Variants in RBFOX3 observed in about 807,000 individuals in gnomAD.
The protein encoded by RBFOX3 is RNA binding protein fox-1 homolog 3.
A neutral mutation model predicts 48.7 loss-of-function variants in RBFOX3; 17 were observed. That is an observed-to-expected ratio of 0.35 (90% CI 0.24 to 0.52). The LOEUF is 0.52. Among genes scored for constraint, RBFOX3 ranks in the 20% least tolerant of loss-of-function variants. The pLI, the probability that RBFOX3 is intolerant of heterozygous loss-of-function variation, is 0.94. For missense variants in RBFOX3, 382 were observed against 497.5 expected (o/e 0.77, Z 2.21); for synonymous variants, 212 against 209.5 (o/e 1.01, Z -0.10).
intron 1 of RBFOX3, among the ~76,000 whole-genome samples, chr17:79,497,438 A>G (rs1160261756): frequency 6.6e-6 from 1 of 152,174 alleles, no homozygotes; most frequent in Non-Finnish European, 1.5e-5. Flanking sequence ...AGCCCAAGCA[A>G]TACGTTTGGG....
chr17:79,118,157 C>G (rs113739314), intron 4 of RBFOX3, among the ~76,000 whole-genome samples: 1 of 150,644 alleles, frequency 6.6e-6, no homozygotes, highest in Non-Finnish European at 1.5e-5. Flanking sequence ...CGCCACCCTG[C>G]GACAGACTCG....
chr17:79,142,181 G>A (rs1209341747), intron 4 of RBFOX3, among the ~76,000 whole-genome samples: 1 of 152,168 alleles, frequency 6.6e-6, no homozygotes, highest in Non-Finnish European at 1.5e-5. Flanking sequence ...TTACCACCGT[G>A]ACACTTTCAT....
the RBFOX3 span, among the ~76,000 whole-genome samples, chr17:79,629,509 C>T: frequency 3.3e-5 from 5 of 152,132 alleles, no homozygotes; most frequent in East Asian, 1.9e-4. Context: ...TCAGGGGGTG[C>T]GGGGAAATGA....
intron 2 of RBFOX3, among the ~76,000 whole-genome samples, chr17:79,403,239 C>G (rs1239484497): frequency 6.6e-6 from 1 of 152,194 alleles, no homozygotes; most frequent in Non-Finnish European, 1.5e-5. Flanking sequence ...TGGCTGAGAG[C>G]CTGCTGGTCG....
chr17:79,444,300 C>T (rs1352554580), intron 2 of RBFOX3, among the ~76,000 whole-genome samples: 1 of 152,126 alleles, frequency 6.6e-6, no homozygotes, highest in African/African-American at 2.4e-5. Flanking sequence ...GCCAGCAAGA[C>T]CCACCCCTCT....
intron 1 of RBFOX3, among the ~76,000 whole-genome samples, chr17:79,504,859 G>A (rs1381225426): frequency 4.6e-5 from 7 of 152,290 alleles, no homozygotes; most frequent in Admixed American, 4.6e-4. Flanking sequence ...CCACAGATAT[G>A]CACTAAAAAC....
intron 4 of RBFOX3, among the ~76,000 whole-genome samples, chr17:79,202,252 C>T (rs762083448): frequency 5.3e-5 from 8 of 152,132 alleles, no homozygotes; most frequent in Non-Finnish European, 1.0e-4. Flanking sequence ...CTCTTATCCA[C>T]AGCAAAACGG....
chr17:79,648,358 C>T, the RBFOX3 span, among the ~76,000 whole-genome samples: 1 of 152,166 alleles, frequency 6.6e-6, no homozygotes, highest in Non-Finnish European at 1.5e-5. Context: ...GCACGTCCTC[C>T]CCAGAGGCAG....
Position 79,103,335 on chromosome 17 carries a change from G to T in RBFOX3, c.415-81C>A. 1 of 936,764 alleles carries T rather than the reference G, an allele frequency of 1.1e-6. No homozygotes were observed. The highest frequency in any genetic ancestry group is 1.7e-6 in the Non-Finnish European group (1 of 593,282). The allele number at this position is 936,764 out of a possible 1,614,324, so 58.0% of individuals were successfully genotyped here. ...AGAGGAGGAAGACGAGGAAGAAGAG[G>T]AGTGGGAGGGGGGCAGGGGAGTGGG... On this transcript the variant is annotated intron_variant, in intron 7 of 14. Coordinates refer to ENST00000693108, the MANE Select transcript of RBFOX3 (RefSeq NM_001350451.2). The surrounding 1 kb of genome is among the most constrained non-coding windows in gnomAD (Gnocchi z 6.1).
At chr17:79,285,162 G>A (rs897939553) in intron 3 of RBFOX3, among the ~76,000 whole-genome samples, 3 of 152,136 alleles carry the variant, frequency 2.0e-5, no homozygotes, top group African/African-American at 7.2e-5. Context: ...CAGGCACATC[G>A]CAAAGAACAG....
At chr17:79,231,348 C>T (rs1206560685) in intron 4 of RBFOX3, among the ~76,000 whole-genome samples, 2 of 152,156 alleles carry the variant, frequency 1.3e-5, no homozygotes, top group African/African-American at 4.8e-5. Context: ...CCTCACAGGG[C>T]CAGAGTAGCT....
the RBFOX3 span, among the ~76,000 whole-genome samples, chr17:79,629,056 G>A: frequency 6.6e-6 from 1 of 152,232 alleles, no homozygotes; most frequent in Non-Finnish European, 1.5e-5. Context: ...GAAGTGACCG[G>A]CTCTGGGGCA....
chr17:79,489,533 G>A (rs1003222139), intron 1 of RBFOX3, among the ~76,000 whole-genome samples: 35 of 152,282 alleles, frequency 2.3e-4, no homozygotes, highest in African/African-American at 7.9e-4. Flanking sequence ...GAGCTCAAGC[G>A]ATCCACCCAC....
chr17:79,385,544 C>G lies in RBFOX3; in HGVS notation c.-174-77720G>C, dbSNP rs561798797. Among the ~76,000 whole-genome samples, 3 of 152,212 alleles carry G rather than the reference C, an allele frequency of 2.0e-5. No homozygotes were observed. In the East Asian group the frequency reaches 5.8e-4, roughly 29 times the overall value. ...ATCAGAGCTGCTGGCTGAGCCTGGT[C>G]CCCCATGCCCATCTGAGAACTCTCA... On this transcript the variant is annotated intron_variant, in intron 2 of 14. Coordinates refer to ENST00000693108, the MANE Select transcript of RBFOX3 (RefSeq NM_001350451.2).
chr17:79,586,645 G>C (rs2093258850), intron 1 of RBFOX3, among the ~76,000 whole-genome samples: 1 of 152,318 alleles, frequency 6.6e-6, no homozygotes, highest in African/African-American at 2.4e-5. Flanking sequence ...GAGCTACTTG[G>C]TGAGATCTTC....
At chr17:79,495,145 C>T (rs987342455) in intron 1 of RBFOX3, among the ~76,000 whole-genome samples, 14 of 151,860 alleles carry the variant, frequency 9.2e-5, no homozygotes, top group Admixed American at 4.6e-4. Flanking sequence ...CCGGTCCCCT[C>T]GAGGATCTCC....
chr17:79,620,377 ACACACATG>A, the RBFOX3 span, among the ~76,000 whole-genome samples: 1 of 141,062 alleles, frequency 7.1e-6, no homozygotes, highest in African/African-American at 2.5e-5. Context: ...ACGGACATAC[ACACACATG>A]CACACATGCC....
intron 2 of RBFOX3, among the ~76,000 whole-genome samples, chr17:79,317,872 T>C (rs967517411): frequency 2.6e-5 from 4 of 152,198 alleles, no homozygotes; most frequent in African/African-American, 9.6e-5. Context: ...GCAAATCTTG[T>C]TCTTTATGTG....
intron 2 of RBFOX3, among the ~76,000 whole-genome samples, chr17:79,457,357 T>C (rs55756616): frequency 2.6e-5 from 4 of 152,234 alleles, no homozygotes; most frequent in African/African-American, 7.2e-5. Flanking sequence ...CACTGGGGTG[T>C]TGAGGGGAGG....
Sources: allele counts gnomAD v4.1 joint callset (sites outside exome capture counted in the v4.1 genomes callset), GRCh38; gene constraint gnomAD v4.1.1; non-coding constraint Gnocchi (gnomAD v3.1); transcripts MANE v1.5; gene names NCBI Gene and HGNC (gene_info 2026-07-23, HGNC 2026-07-21).